EYS: variants seen among roughly 807,000 people sequenced by gnomAD.
EYS encodes protein eyes shut homolog.
In EYS, 250 loss-of-function variants were observed where a neutral mutation model predicts 282.1. The ratio of observed to expected loss-of-function variants is 0.89; its 90% CI spans 0.80 to 0.98. EYS has a LOEUF of 0.98. Among genes scored for constraint, EYS ranks in the 50% least tolerant of loss-of-function variants. The probability of loss-of-function intolerance (pLI) is 0.00; values close to 1 mark genes in which losing one functional copy is unlikely to be tolerated. For missense variants in EYS, 4,016 were observed against 3,709.0 expected, an observed-to-expected ratio of 1.08 and a Z score of -2.15; for synonymous variants, 1,355 against 1,282.9, an observed-to-expected ratio of 1.06 and a Z score of -1.20.
At chr6:64,889,802 T>C (rs1440913860) in intron 18 of EYS, among the ~76,000 whole-genome samples, 1 of 151,930 alleles carries the variant, frequency 6.6e-6, no homozygotes, top group Non-Finnish European at 1.5e-5. Context: ...CTGCACAAAT[T>C]GTAGAGCATG....
At chr6:65,030,172 G>A (rs1772552027) in intron 13 of EYS, among the ~76,000 whole-genome samples, 1 of 152,064 alleles carries the variant, frequency 6.6e-6, no homozygotes, top group African/African-American at 2.4e-5. Flanking sequence ...GACAAAGCAG[G>A]GTGATCTTGC....
At chr6:65,057,748 A>T in intron 12 of EYS, 21 bp from the exon 13 acceptor site, 2 of 1,442,766 alleles carry the variant, frequency 1.4e-6, no homozygotes, top group Non-Finnish European at 1.9e-6. Context: ...TAGGAAAAAA[A>T]AATGTTAAGT....
chr6:63,825,073 G>C (rs1164474135), intron 36 of EYS, among the ~76,000 whole-genome samples: 1 of 152,172 alleles, frequency 6.6e-6, no homozygotes, highest in East Asian at 1.9e-4. Context: ...GGCATGGTGG[G>C]AGTGAGACTG....
At chr6:64,604,885 G>T (rs1766874249) in intron 24 of EYS, among the ~76,000 whole-genome samples, 1 of 151,982 alleles carries the variant, frequency 6.6e-6, no homozygotes, top group Non-Finnish European at 1.5e-5. Flanking sequence ...AAATATTGCT[G>T]CAGAAAGTTG....
chr6:63,871,701 C>T (rs1772809480), intron 35 of EYS, among the ~76,000 whole-genome samples: 2 of 151,938 alleles, frequency 1.3e-5, no homozygotes, highest in Admixed American at 1.3e-4. Flanking sequence ...TTTGTTAGTT[C>T]CAAATCTACC....
chr6:64,951,384 A>G (rs1029938290), intron 14 of EYS, among the ~76,000 whole-genome samples: 2 of 151,982 alleles, frequency 1.3e-5, no homozygotes, highest in Non-Finnish European at 2.9e-5. Context: ...ATGCATTCCT[A>G]TTCTGTCTGC....
intron 22 of EYS, among the ~76,000 whole-genome samples, chr6:64,675,917 C>G (rs1000551928): frequency 1.4e-4 from 20 of 147,904 alleles, no homozygotes; most frequent in Admixed American, 6.8e-4. Context: ...GATTAAATGG[C>G]TCTCTCTCTC....
In EYS at chr6:65,033,090, T is replaced by G. The variant is rs1361943273; in HGVS notation, c.2137+24524A>C. ...GAGGTATGAAATCAAGAGTGATAAT[T>G]TAGAATACCTGGCAGAGGAAATTTC... On this transcript the variant is annotated intron_variant, in intron 13 of 42. Transcript: ENST00000503581. Among the ~76,000 whole-genome samples the G allele has an allele frequency of 3.3e-5, 5 of 152,088 alleles. No homozygotes were observed. In the East Asian group the frequency reaches 9.7e-4, roughly 29 times the overall value.
chr6:65,229,553 C>T (rs746994531), intron 12 of EYS, among the ~76,000 whole-genome samples: 8 of 151,248 alleles, frequency 5.3e-5, no homozygotes, highest in Admixed American at 1.3e-4. Flanking sequence ...GGAGCCCTTT[C>T]GGGAAATTAG....
At chr6:65,222,418 C>A (rs1318409460) in intron 12 of EYS, among the ~76,000 whole-genome samples, 1 of 152,134 alleles carries the variant, frequency 6.6e-6, no homozygotes, top group Admixed American at 6.6e-5. Context: ...CCTGCACATG[C>A]TCTCTTGCCT....
intron 35 of EYS, 127 bp downstream of exon 35, chr6:63,984,256 C>A: frequency 1.5e-6 from 1 of 666,232 alleles, no homozygotes; most frequent in Non-Finnish European, 2.6e-6. Context: ...TTAGGTGATG[C>A]ATAGAAAAAC....
intron 5 of EYS, among the ~76,000 whole-genome samples, chr6:65,486,775 A>C (rs1765798649): frequency 2.6e-5 from 4 of 152,222 alleles, no homozygotes. Context: ...AAGAATAATA[A>C]ATAGAAATCA....
At chr6:65,213,385 AT>A (rs984007347) in intron 12 of EYS, among the ~76,000 whole-genome samples, 70 of 152,264 alleles carry the variant, frequency 4.6e-4, no homozygotes, top group African/African-American at 1.7e-3. Context: ...TTGTTTTATT[AT>A]TCTTTGCTTA....
intron 37 of EYS, among the ~76,000 whole-genome samples, chr6:63,789,689 A>T (rs923685298): frequency 1.4e-4 from 22 of 152,350 alleles, no homozygotes; most frequent in African/African-American, 5.1e-4. Context: ...AGAATATGTT[A>T]TCATTATTCT....
intron 12 of EYS, among the ~76,000 whole-genome samples, chr6:65,077,804 A>G (rs1239930836): frequency 6.6e-6 from 1 of 152,124 alleles, no homozygotes; most frequent in Non-Finnish European, 1.5e-5. Context: ...GATGTCTATC[A>G]AAGTTAAAAA....
In EYS at chr6:64,319,891, G is replaced by A. The variant is rs1374620850; in HGVS notation, c.6079-12809C>T. On this transcript the variant is annotated intron_variant, in intron 29 of 42. Coordinates refer to ENST00000503581, the MANE Select transcript of EYS (RefSeq NM_001142800.2). ...CATCATTGTGCCTCATCCCCACCTG[G>A]CACTCTTAATTTGCCTTGCAGTTCC... Among the ~76,000 whole-genome samples, 4 of 151,840 alleles carry A rather than the reference G, an allele frequency of 2.6e-5. No individual in the cohort carries two copies. The South Asian group carries it at 6.2e-4, about 24-fold the overall frequency.
At chr6:64,344,378 C>T (rs1207333470) in intron 29 of EYS, among the ~76,000 whole-genome samples, 1 of 151,902 alleles carries the variant, frequency 6.6e-6, no homozygotes, top group Non-Finnish European at 1.5e-5. Flanking sequence ...TGGGCTTCAT[C>T]CCTGGGATGC....
chr6:64,978,946 A>T (rs947284596), intron 14 of EYS, among the ~76,000 whole-genome samples: 1 of 151,908 alleles, frequency 6.6e-6, no homozygotes, highest in Admixed American at 6.6e-5. Flanking sequence ...CGGTTTCTTG[A>T]AATGGAATCT....
intron 41 of EYS, among the ~76,000 whole-genome samples, chr6:63,758,981 C>CG (rs1002300907): frequency 1.1e-4 from 16 of 152,016 alleles, no homozygotes; most frequent in African/African-American, 3.6e-4. Context: ...CTTCCTAGAA[C>CG]GGGGGGCAGG....
Sources: gnomAD v4.1 joint callset for allele counts (sites outside exome capture counted in the v4.1 genomes callset) on GRCh38, gnomAD v4.1.1 for gene constraint, MANE v1.5 for transcripts, NCBI Gene and HGNC (gene_info 2026-07-23, HGNC 2026-07-21) for gene names.